Variants in KPNB1 observed in about 807,000 individuals in gnomAD.
KPNB1 encodes importin subunit beta-1.
Under a neutral mutation model 113.0 loss-of-function variants are expected in KPNB1, and 7 were observed. The observed-to-expected ratio is 0.06, with a 90% CI of 0.04 to 0.12. The LOEUF is 0.12. KPNB1 is among the 10% of genes least tolerant of loss of function. The pLI is 1.00. For synonymous variants in KPNB1, 363 were observed against 378.6 expected, an observed-to-expected ratio of 0.96 and a Z score of 0.48; for missense variants, 400 against 1,054.8, an observed-to-expected ratio of 0.38 and a Z score of 8.60.
intron 4 of KPNB1, 58 bp downstream of exon 4, chr17:47,657,118 A>G: frequency 1.5e-6 from 2 of 1,363,288 alleles, no homozygotes; most frequent in South Asian, 1.2e-5. Flanking sequence ...TAGCTGTGAC[A>G]TCAATGATAT....
Position 47,683,110 on chromosome 17 carries a change from A to AAAC in KPNB1, c.*708_*709insCAA, listed in dbSNP as rs1555619983. On this transcript the variant is annotated 3_prime_UTR_variant, in exon 22 of 22. Transcript: ENST00000290158. ...AGATGTAAAAAAAAAAAAAAAAAAA[A>AAAC]AAAAAAAAACACACACACAGAGGAA... 143 of 147,388 alleles carry AAAC rather than the reference A, an allele frequency of 9.7e-4. No individual in the cohort carries two copies. Among genetic ancestry groups the AAAC allele is most frequent in the African/African-American group, 3.3e-3 (134 of 40,296 alleles). The allele number at this position is 147,388 out of a possible 1,614,324, so 9.1% of individuals were successfully genotyped here. A position where few individuals can be genotyped will look rare whatever the true frequency, so the allele number is the denominator to read the frequency against.
At chr17:47,668,528 A>C in intron 10 of KPNB1, 118 bp downstream of exon 10, 1 of 765,770 alleles carries the variant, frequency 1.3e-6, no homozygotes, top group Non-Finnish European at 2.1e-6. Context: ...ATCTCTAGAT[A>C]CTTGTTTACT....
intron 9 of KPNB1, among the ~76,000 whole-genome samples, chr17:47,666,389 TACTTTTG>T (rs1405903154): frequency 2.6e-5 from 3 of 114,478 alleles, no homozygotes; most frequent in African/African-American, 9.4e-5. Flanking sequence ...TTCGTGTCTT[TACTTTTG>T]TGTGTGTGTG....
chr17:47,671,341 A>G (rs1749181399), intron 12 of KPNB1, among the ~76,000 whole-genome samples: 2 of 152,228 alleles, frequency 1.3e-5, no homozygotes, highest in East Asian at 1.9e-4. Context: ...AGAATTGTTC[A>G]GTTTACAGCT....
At chr17:47,661,663 GT>G (rs1223969569) in intron 6 of KPNB1, among the ~76,000 whole-genome samples, 3 of 151,960 alleles carry the variant, frequency 2.0e-5, no homozygotes, top group Admixed American at 2.0e-4. Context: ...CTTAAAAAAG[GT>G]TTAAGGTGCC....
rs188428512 is a variant in KPNB1 at position 47,655,831 on chromosome 17, G to A, written c.283-1029G>A. On this transcript the variant is annotated intron_variant, in intron 3 of 21. Coordinates refer to ENST00000290158, the MANE Select transcript of KPNB1 (RefSeq NM_002265.6). ...CTTGTAACTTCTGGTTTCCCACCTC[G>A]TGTTGAAGGTTGAAGTGAGGTGGGA... Among the ~76,000 whole-genome samples the A allele has an allele frequency of 3.0e-3, 462 of 152,256 alleles. 2 individuals are homozygous for A. Among genetic ancestry groups the A allele is most frequent in the African/African-American group, 0.01 (433 of 41,536 alleles).
chr17:47,667,794 G>T (rs1273514647), intron 9 of KPNB1, among the ~76,000 whole-genome samples: 1 of 151,924 alleles, frequency 6.6e-6, no homozygotes, highest in Non-Finnish European at 1.5e-5. Context: ...CTGACCTCAG[G>T]TGATCCACCC....
At chr17:47,680,173 C>T (rs368068714) in intron 20 of KPNB1, 39 bp downstream of exon 20, 7 of 1,355,302 alleles carry the variant, frequency 5.2e-6, no homozygotes, top group Non-Finnish European at 7.4e-6. Context: ...AATAGAACTT[C>T]TCACAGAAAA....
At chr17:47,678,604 T>A in intron 19 of KPNB1, 191 bp downstream of exon 19, 1 of 570,974 alleles carries the variant, frequency 1.8e-6, no homozygotes, top group South Asian at 2.2e-5. Flanking sequence ...TTGCTCTGCT[T>A]CTTCTTTCTT....
At chr17:47,663,612 C>G (rs2030174765) in intron 7 of KPNB1, among the ~76,000 whole-genome samples, 1 of 151,998 alleles carries the variant, frequency 6.6e-6, no homozygotes, top group Admixed American at 6.6e-5. Flanking sequence ...TGCAGTGAGC[C>G]AAGATCACGC....
At chr17:47,663,388 G>A (rs1442792162) in intron 7 of KPNB1, among the ~76,000 whole-genome samples, 1 of 152,194 alleles carries the variant, frequency 6.6e-6, no homozygotes, top group Non-Finnish European at 1.5e-5. Flanking sequence ...TTGAGGTCAG[G>A]CCCGGTGGCT....
At chr17:47,663,531 G>C (rs1053343718) in intron 7 of KPNB1, among the ~76,000 whole-genome samples, 2 of 152,132 alleles carry the variant, frequency 1.3e-5, no homozygotes, top group African/African-American at 4.8e-5. Context: ...GAACGTGGTG[G>C]CACGTGCCTG....
At chr17:47,666,508 ATAT>A (rs1417437297) in intron 9 of KPNB1, among the ~76,000 whole-genome samples, 3 of 139,342 alleles carry the variant, frequency 2.2e-5, no homozygotes, top group South Asian at 2.3e-4. Context: ...ATAATGTTAT[ATAT>A]TATATTTTAT....
At chr17:47,662,648 G>A (rs954556480) in intron 6 of KPNB1, among the ~76,000 whole-genome samples, 15 of 151,970 alleles carry the variant, frequency 9.9e-5, no homozygotes, top group Non-Finnish European at 2.2e-4. Flanking sequence ...TTAGGTGGCC[G>A]AGGTGAGTGG....
At position 47,684,222 on chromosome 17, in the gene KPNB1, A is replaced by T. The variant is rs1260230697; in HGVS notation, c.*1818A>T. On this transcript the variant is annotated 3_prime_UTR_variant, in exon 22 of 22. Transcript: ENST00000290158. ...TTCCATGTCCAAGCCTTCCATTCCT[A>T]AGTGGGATTGGCTCAGTTTTGCCCA... The T allele has an allele frequency of 6.6e-5, 10 of 152,062 alleles. No homozygotes were observed. The highest frequency in any genetic ancestry group is 6.6e-4 in the Admixed American group (10 of 15,260). 9.4% of individuals were successfully genotyped at this position (152,062 alleles called of 1,614,324 possible).
intron 13 of KPNB1, 105 bp downstream of exon 13, chr17:47,673,270 A>G (rs1414611526): frequency 2.6e-6 from 3 of 1,159,562 alleles, no homozygotes; most frequent in Non-Finnish European, 3.7e-6. Flanking sequence ...TTAAGTATAT[A>G]TTTTCTCAGA....
At chr17:47,660,265 T>G (rs1287016597) in intron 5 of KPNB1, among the ~76,000 whole-genome samples, 2 of 152,216 alleles carry the variant, frequency 1.3e-5, no homozygotes, top group African/African-American at 4.8e-5. Context: ...TCGAGATTCA[T>G]CTAAGGGGTA....
chr17:47,654,902 G>C (rs1423155242), intron 3 of KPNB1, among the ~76,000 whole-genome samples: 1 of 152,112 alleles, frequency 6.6e-6, no homozygotes, highest in Non-Finnish European at 1.5e-5. Flanking sequence ...TCGTGTCTTT[G>C]ACATACCGTT....
At position 47,652,595 on chromosome 17, in the gene KPNB1, C is replaced by T. The variant is rs1443430847; in HGVS notation, c.100-99C>T. 9.1e-6 allele frequency: 8 copies of T among 880,898 alleles called. No individual in the cohort carries two copies. In the East Asian group the frequency reaches 1.1e-4, roughly 12 times the overall value. 54.6% of individuals were successfully genotyped at this position (880,898 alleles called of 1,614,324 possible). Reference sequence around the variant, plus strand: ...AAAAAAAATTAGACATTAGTTCCCCCCCTCGCCGCCCCTCTGGTGGTTCAG... The same window carrying T: ...AAAAAAAATTAGACATTAGTTCCCCTCCTCGCCGCCCCTCTGGTGGTTCAG... On this transcript the variant is annotated intron_variant, in intron 2 of 21. Transcript: ENST00000290158.
Sources: allele counts gnomAD v4.1 joint callset (sites outside exome capture counted in the v4.1 genomes callset), GRCh38; gene constraint gnomAD v4.1.1; transcripts MANE v1.5; gene names NCBI Gene and HGNC (gene_info 2026-07-23, HGNC 2026-07-21).